Variants in FNIP2 observed in about 807,000 individuals in gnomAD.
The protein encoded by FNIP2 is folliculin interacting protein 2, also known as folliculin-interacting protein 2.
A neutral mutation model predicts 108.7 loss-of-function variants in FNIP2; 32 were observed. That is an observed-to-expected ratio of 0.29 (90% CI 0.22 to 0.40). The LOEUF (loss-of-function observed/expected upper bound fraction) is 0.40. Ranked by LOEUF, FNIP2 falls within the 10% of genes least tolerant of loss-of-function variation. FNIP2 has a pLI of 1.00. For synonymous variants in FNIP2, 480 were observed against 496.7 expected (o/e 0.97, Z 0.45); for missense variants, 1,202 against 1,381.6 (o/e 0.87, Z 2.06).
chr4:158,851,369 C>T lies in FNIP2; in HGVS notation c.776C>T (p.Ser259Phe). Reference protein sequence around the residue: ...LITPFPSPSSSTSSSSSYQRR... With the variant: ...LITPFPSPSSFTSSSSSYQRR... ...ACACCTTTCCCATCTCCAAGCTCCT[C>T]TACATCTTCTTCCAGCAGTTACCAG... is the stretch of plus-strand genomic sequence containing the variant. Residue 259 changes from serine to phenylalanine, a missense_variant, in exon 8 of 17, where the codon TCT (serine) becomes TTT (phenylalanine). By Grantham distance (155) the Ser-to-Phe change is radical. Coordinates refer to ENST00000264433, the MANE Select transcript of FNIP2 (RefSeq NM_020840.3). The T allele has an allele frequency of 6.2e-7, 1 of 1,614,022 alleles. No individual in the cohort carries two copies. The highest frequency in any genetic ancestry group is 1.1e-5 in the South Asian group (1 of 91,080).
At chr4:158,903,345 A>G (rs1729524268) in intron 16 of FNIP2, among the ~76,000 whole-genome samples, 2 of 152,150 alleles carry the variant, frequency 1.3e-5, no homozygotes, top group Admixed American at 1.3e-4. Flanking sequence ...AGCCGGGTAC[A>G]TCAGTTGGAA....
At chr4:158,834,683 A>G (rs1005842092) in intron 6 of FNIP2, 1 of 152,214 alleles carries the variant, frequency 6.6e-6, no homozygotes, top group Admixed American at 6.5e-5. Flanking sequence ...GTCCATTTAA[A>G]ACTTCACTAC....
chr4:158,831,853 G>A lies in FNIP2; in HGVS notation c.382-8G>A, dbSNP rs1253167562. 2 of 1,598,262 alleles carry A rather than the reference G, an allele frequency of 1.3e-6. No individual in the cohort carries two copies. The highest frequency in any genetic ancestry group is 3.4e-5 in the Admixed American group (2 of 58,844). On this transcript the variant is annotated splice_region_variant and splice_polypyrimidine_tract_variant and intron_variant, in intron 3 of 16. Coordinates refer to ENST00000264433, the MANE Select transcript of FNIP2 (RefSeq NM_020840.3). ...GTACTAACTTTGATTTTGTTTTCTT[G>A]CATGTAGTACACAAGACCAGCTTCC...
rs1345194325 is a variant in FNIP2 at position 158,872,734 on chromosome 4, G to GTT, written c.2949+2281_2949+2282dup. On this transcript the variant is annotated intron_variant, in intron 14 of 16. Transcript: ENST00000264433. ...AACTGGCGCTCTGGTCTATGGTAGT[G>GTT]TTTTTTTTTTTTTTTTTAAAAAACA... 9.6e-4 allele frequency: 769 copies of GTT among 797,048 alleles called. 3 individuals carry two copies. The highest frequency in any genetic ancestry group is 4.7e-3 in the African/African-American group (223 of 47,122). The allele number at this position is 797,048 out of a possible 1,614,324, so 49.4% of individuals were successfully genotyped here.
At chr4:158,796,925 T>C (rs893617025) in intron 1 of FNIP2, among the ~76,000 whole-genome samples, 9 of 152,178 alleles carry the variant, frequency 5.9e-5, no homozygotes, top group African/African-American at 2.2e-4. Context: ...TGACAGTGAC[T>C]ACGCGCTGGT....
At chr4:158,877,114 A>T (rs576589766) in intron 14 of FNIP2, among the ~76,000 whole-genome samples, 1 of 152,258 alleles carries the variant, frequency 6.6e-6, no homozygotes, top group East Asian at 1.9e-4. Flanking sequence ...CTTGATTCTG[A>T]TACCCTTTCT....
intron 7 of FNIP2, among the ~76,000 whole-genome samples, chr4:158,838,146 T>A (rs946090740): frequency 6.6e-6 from 1 of 151,880 alleles, no homozygotes; most frequent in Non-Finnish European, 1.5e-5. Flanking sequence ...GAGCAGGAGC[T>A]CCAAGTGTGA....
rs369962743 is a variant in FNIP2, at chr4:158,879,180, AG to A, written c.2949+8712del. On this transcript the variant is annotated intron_variant, in intron 14 of 16. Transcript: ENST00000264433. Reference sequence around the variant, plus strand: ...GGTTAAGTAAGCACACTGACTCCCAAGTAGGGAGAATATTAACAAATTCACA... The same window carrying A: ...GGTTAAGTAAGCACACTGACTCCCAATAGGGAGAATATTAACAAATTCACA... Among the ~76,000 whole-genome samples, 611 of 150,714 alleles carry A rather than the reference AG, an allele frequency of 4.1e-3. 52 individuals are homozygous for A. The highest frequency in any genetic ancestry group is 0.014 in the African/African-American group (571 of 40,556).
intron 12 of FNIP2, among the ~76,000 whole-genome samples, chr4:158,862,199 C>T (rs535428513): frequency 9.2e-5 from 14 of 152,236 alleles, no homozygotes; most frequent in African/African-American, 3.1e-4. Context: ...TCCCACCTCC[C>T]GCCCCAAGTT....
At chr4:158,893,605 T>G in intron 15 of FNIP2, 10 of 1,100,702 alleles carry the variant, frequency 9.1e-6, no homozygotes, top group Non-Finnish European at 1.2e-5. Flanking sequence ...TGGGGCAATA[T>G]GAGAAGCACT....
At chr4:158,888,757 T>C (rs552753804) in intron 14 of FNIP2, among the ~76,000 whole-genome samples, 17 of 151,660 alleles carry the variant, frequency 1.1e-4, no homozygotes, top group African/African-American at 4.1e-4. Flanking sequence ...GGTGTGATGG[T>C]GCACACCTGT....
At chr4:158,822,617 C>T (rs1452795982) in intron 1 of FNIP2, among the ~76,000 whole-genome samples, 4 of 151,992 alleles carry the variant, frequency 2.6e-5, no homozygotes, top group East Asian at 1.9e-4. Flanking sequence ...CCCACTTCAG[C>T]TTCCTAAGTA....
Position 158,859,612 on chromosome 4 carries a change from G to A in FNIP2, c.1094G>A (p.Ser365Asn). ...TCCTGTAGGAAAATAGCAGAATCAA[G>A]TCTCCGAGTCCAGTTTTATGTCAGC... Reference protein sequence around the residue: ...MISCRKIAESSLRVQFYVSRL... With the variant: ...MISCRKIAESNLRVQFYVSRL... Residue 365 changes from serine (S) to asparagine (N), a missense_variant, in exon 10 of 17, where the codon AGT becomes AAT. Physicochemically the swap from Ser to Asn is conservative, Grantham distance 46. Transcript: ENST00000264433. 6.2e-7 allele frequency: 1 copy of A among 1,613,574 alleles called. No homozygotes were observed. Among genetic ancestry groups the A allele is most frequent in the Non-Finnish European group, 8.5e-7 (1 of 1,179,720 alleles).
chr4:158,882,362 C>A (rs568413650), intron 14 of FNIP2, among the ~76,000 whole-genome samples: 1 of 151,258 alleles, frequency 6.6e-6, no homozygotes, highest in East Asian at 2.0e-4. Flanking sequence ...GGCCAGCCGC[C>A]CCGTCCGGGA....
Position 158,868,077 on chromosome 4 carries a change from C to T in FNIP2, c.1466-25C>T. The stretch of plus-strand genomic sequence containing the variant: ...ACATGCTAACCCCAGAGACCACTGC[C>T]TTTGTGTCCACCTTTGCTCTCTAGG... On this transcript the variant is annotated intron_variant, in intron 12 of 16. Coordinates refer to ENST00000264433, the MANE Select transcript of FNIP2 (RefSeq NM_020840.3). The surrounding 1 kb of genome is among the most constrained non-coding windows in gnomAD (Gnocchi z 4.6). The T allele has an allele frequency of 6.2e-7, 1 of 1,607,754 alleles. No homozygotes were observed. The highest frequency in any genetic ancestry group is 8.5e-7 in the Non-Finnish European group (1 of 1,175,508).
In FNIP2 at chr4:158,904,600, G is replaced by C; in HGVS notation, c.*56G>C. 1 of 1,430,274 alleles carries C rather than the reference G, an allele frequency of 7.0e-7. No homozygotes were observed. The highest frequency in any genetic ancestry group is 9.8e-7 in the Non-Finnish European group (1 of 1,020,792). The allele number at this position is 1,430,274 out of a possible 1,614,324, so 88.6% of individuals were successfully genotyped here. On this transcript the variant is annotated 3_prime_UTR_variant, in exon 17 of 17. Coordinates refer to ENST00000264433, the MANE Select transcript of FNIP2 (RefSeq NM_020840.3). ...GAAAAAAATCAAATTCTCAACTGAA[G>C]GAGAAAGGAATAAGCTCTCTGTGAT...
intron 14 of FNIP2, among the ~76,000 whole-genome samples, chr4:158,877,380 A>G (rs1288017109): frequency 6.6e-6 from 1 of 152,148 alleles, no homozygotes; most frequent in Non-Finnish European, 1.5e-5. Flanking sequence ...CTTCATGTAT[A>G]CCTACAAGGA....
intron 7 of FNIP2, among the ~76,000 whole-genome samples, chr4:158,849,350 G>C (rs541087981): frequency 6.6e-6 from 1 of 152,260 alleles, no homozygotes; most frequent in African/African-American, 2.4e-5. Flanking sequence ...GACTTCTGAG[G>C]CCTTCCAGTG....
At chr4:158,813,274 A>C (rs1035184258) in intron 1 of FNIP2, among the ~76,000 whole-genome samples, 2 of 152,140 alleles carry the variant, frequency 1.3e-5, no homozygotes, top group African/African-American at 4.8e-5. Context: ...GAAACTGCCA[A>C]ACTCTTCCAA....
Sources: gnomAD v4.1 joint callset for allele counts (sites outside exome capture counted in the v4.1 genomes callset) on GRCh38, gnomAD v4.1.1 for gene constraint, Gnocchi (gnomAD v3.1) non-coding constraint, MANE v1.5 for transcripts, NCBI Gene and HGNC (gene_info 2026-07-23, HGNC 2026-07-21) for gene names.